PDZD2: variants seen among roughly 807,000 people sequenced by gnomAD.
PDZD2 encodes the protein PDZ domain-containing protein 2.
A neutral mutation model predicts 220.7 loss-of-function variants in PDZD2; 90 were observed. That is an observed-to-expected ratio of 0.41 (90% CI 0.34 to 0.49). The LOEUF is 0.49. PDZD2 is among the 20% of genes least tolerant of loss of function. The pLI, the probability that PDZD2 is intolerant of heterozygous loss-of-function variation, is 0.28. For synonymous variants in PDZD2, 1,375 were observed against 1,450.5 expected (o/e 0.95, Z 1.18); for missense variants, 3,174 against 3,608.5 (o/e 0.88, Z 3.08).
At chr5:31,915,753 AGGAC>A (rs1743623284) in intron 2 of PDZD2, among the ~76,000 whole-genome samples, 1 of 152,216 alleles carries the variant, frequency 6.6e-6, no homozygotes, top group Non-Finnish European at 1.5e-5. Flanking sequence ...AACAGATGAA[AGGAC>A]CAGTAGTATG....
chr5:31,999,286 T>C (rs1751906401), intron 4 of PDZD2, among the ~76,000 whole-genome samples: 1 of 150,376 alleles, frequency 6.6e-6, no homozygotes, highest in African/African-American at 2.4e-5. Flanking sequence ...ATTTGTTTTT[T>C]TTTTTTGTTT....
chr5:31,751,297 A>C (rs760880421), intron 1 of PDZD2, among the ~76,000 whole-genome samples: 39 of 151,044 alleles, frequency 2.6e-4, no homozygotes, highest in African/African-American at 8.5e-4. Context: ...TCCAGTGTGG[A>C]GAATAGGCGA....
At chr5:31,652,165 T>TTGTG (rs1236046676) in intron 1 of PDZD2, among the ~76,000 whole-genome samples, 1 of 150,930 alleles carries the variant, frequency 6.6e-6, no homozygotes, top group African/African-American at 2.4e-5. Flanking sequence ...GTTTGTTTGT[T>TTGTG]TGTTTGTTTT....
intron 2 of PDZD2, among the ~76,000 whole-genome samples, chr5:31,826,640 C>T (rs538219051): frequency 6.6e-6 from 1 of 150,858 alleles, no homozygotes; most frequent in South Asian, 2.1e-4. Flanking sequence ...CACGCCACTG[C>T]ACTCCAGCCC....
chr5:32,047,960 G>A (rs906596958), intron 7 of PDZD2, among the ~76,000 whole-genome samples: 3 of 152,316 alleles, frequency 2.0e-5, no homozygotes, highest in African/African-American at 7.2e-5. Flanking sequence ...GTTACCCTTG[G>A]GTGAAGGATG....
chr5:31,857,013 C>A (rs1449962142), intron 2 of PDZD2, among the ~76,000 whole-genome samples: 1 of 151,802 alleles, frequency 6.6e-6, no homozygotes, highest in South Asian at 2.1e-4. Flanking sequence ...TACCAACTTC[C>A]AGTTCTTTGT....
At chr5:31,698,283 G>A (rs1420003342) in intron 1 of PDZD2, among the ~76,000 whole-genome samples, 3 of 149,562 alleles carry the variant, frequency 2.0e-5, no homozygotes, top group Non-Finnish European at 3.0e-5. Context: ...ACTAGGTTCT[G>A]CCTCTGTTCT....
intron 2 of PDZD2, among the ~76,000 whole-genome samples, chr5:31,910,533 G>A (rs1743091901): frequency 1.3e-5 from 2 of 151,332 alleles, no homozygotes; most frequent in South Asian, 4.2e-4. Context: ...TGGGATTACA[G>A]GCACTCACCA....
intron 24 of PDZD2, chr5:32,106,284 T>A (rs1041923083): frequency 1.3e-5 from 2 of 152,248 alleles, no homozygotes; most frequent in African/African-American, 4.8e-5. Context: ...GGGTTCACAC[T>A]CACGTGAGAA....
rs577060143 is a variant in PDZD2 at position 31,675,172 on chromosome 5, T to C, written c.-361+35735T>C. 3.1e-4 allele frequency among the ~76,000 whole-genome samples: 47 copies of C among 152,354 alleles called. 1 individual carries two copies. The South Asian group carries it at 9.5e-3, about 31-fold the overall frequency. ...TAGATAACAGGGTCCACAGAGGGCA[T>C]TGGCTGGCAAGTGGGACCATTTATT... On this transcript the variant is annotated intron_variant, in intron 1 of 24. Transcript: ENST00000438447.
chr5:31,879,548 G>A (rs1401246395), intron 2 of PDZD2, among the ~76,000 whole-genome samples: 1 of 152,104 alleles, frequency 6.6e-6, no homozygotes. Context: ...AGGATTTGCA[G>A]AGCATCTAGC....
intron 2 of PDZD2, chr5:31,840,565 T>TCTC (rs1275204798): frequency 2.1e-5 from 15 of 699,352 alleles, no homozygotes; most frequent in Non-Finnish European, 3.7e-5. Flanking sequence ...AAAATGTGCT[T>TCTC]CTCTGCGTGG....
intron 1 of PDZD2, among the ~76,000 whole-genome samples, chr5:31,723,425 A>G (rs866320095): frequency 3.9e-5 from 6 of 152,104 alleles, no homozygotes; most frequent in African/African-American, 1.4e-4. Context: ...ACTAGAAATT[A>G]TCAATGGTTA....
chr5:31,806,856 A>G (rs1754744769), intron 2 of PDZD2, among the ~76,000 whole-genome samples: 1 of 152,168 alleles, frequency 6.6e-6, no homozygotes, highest in South Asian at 2.1e-4. Flanking sequence ...AAACAGAAAC[A>G]AATGTCTTTT....
chr5:31,698,317 C>T (rs1385688632), intron 1 of PDZD2, among the ~76,000 whole-genome samples: 3 of 146,644 alleles, frequency 2.0e-5, no homozygotes, highest in African/African-American at 4.9e-5. Flanking sequence ...AAGAGAAGGC[C>T]GGGTGCGGTG....
intron 16 of PDZD2, among the ~76,000 whole-genome samples, chr5:32,071,853 A>G (rs1258960803): frequency 6.6e-6 from 1 of 152,096 alleles, no homozygotes; most frequent in Non-Finnish European, 1.5e-5. Context: ...TGTCTTTCCC[A>G]TCGCATCCCC....
chr5:31,854,801 A>AG, intron 2 of PDZD2: 1 of 183,816 alleles, frequency 5.4e-6, no homozygotes. Context: ...GTGACCGGGG[A>AG]GGGGATCTTG....
chr5:31,924,014 A>G (rs1744522978), intron 2 of PDZD2, among the ~76,000 whole-genome samples: 1 of 152,210 alleles, frequency 6.6e-6, no homozygotes, highest in Admixed American at 6.5e-5. Flanking sequence ...AAACAGCCAC[A>G]TCGCCTTGAG....
intron 7 of PDZD2, among the ~76,000 whole-genome samples, chr5:32,038,382 C>A (rs1223010369): frequency 1.3e-5 from 2 of 150,908 alleles, no homozygotes; most frequent in East Asian, 2.0e-4. Context: ...CACACACACA[C>A]AAAAATTAGC....
Sources: gnomAD v4.1 joint callset for allele counts (sites outside exome capture counted in the v4.1 genomes callset) on GRCh38, gnomAD v4.1.1 for gene constraint, MANE v1.5 for transcripts, NCBI Gene and HGNC (gene_info 2026-07-23, HGNC 2026-07-21) for gene names.